SEZ6: variants seen among roughly 807,000 people sequenced by gnomAD.
The protein encoded by SEZ6 is seizure protein 6 homolog.
In SEZ6, 53 loss-of-function variants were observed where a neutral mutation model predicts 101.0. The ratio of observed to expected loss-of-function variants is 0.52; its 90% CI spans 0.42 to 0.66. The LOEUF is 0.66. Ranked by LOEUF, SEZ6 falls within the 30% of genes least tolerant of loss-of-function variation. SEZ6 has a pLI of 0.00. For synonymous variants in SEZ6, 488 were observed against 512.2 expected, an observed-to-expected ratio of 0.95 and a Z score of 0.64; for missense variants, 1,102 against 1,289.4, an observed-to-expected ratio of 0.85 and a Z score of 2.23.
At chr17:29,000,605 C>T (rs1027629054) in intron 1 of SEZ6, among the ~76,000 whole-genome samples, 18 of 152,264 alleles carry the variant, frequency 1.2e-4, no homozygotes, top group African/African-American at 4.3e-4. Context: ...CTTAGGCCTC[C>T]ACCTCTCCAT....
rs1359882891 is a variant in SEZ6, at chr17:28,959,520, T to C, written c.1772-48A>G. On this transcript the variant is annotated intron_variant, in intron 8 of 16. Transcript: ENST00000317338. The surrounding 1 kb of genome is among the most constrained non-coding windows in gnomAD (Gnocchi z 4.4). ...AAGGGTCTTTTCAAGCTTACCATGGTGTTGCTTACCATCTGCCCGCAGGAG... is the reference window on the plus strand; with the variant it reads ...AAGGGTCTTTTCAAGCTTACCATGGCGTTGCTTACCATCTGCCCGCAGGAG... The C allele has an allele frequency of 6.3e-7, 1 of 1,597,442 alleles. No individual in the cohort carries two copies. The highest frequency in any genetic ancestry group is 2.2e-5 in the East Asian group (1 of 44,686).
Position 28,963,972 on chromosome 17 carries a change from G to T in SEZ6, c.1230C>A (p.Pro410=), listed in dbSNP as rs113031217. 238 of 1,611,122 alleles carry T rather than the reference G, an allele frequency of 1.5e-4. 1 individual carries two copies. The African/African-American group carries it at 2.4e-3, about 17-fold the overall frequency. Residue 410 remains proline, a synonymous_variant, in exon 5 of 17, where the codon CCC becomes CCA. Transcript: ENST00000317338. ...ATQPFWDSKE[P]VCIAACGGVI... is the part of the protein sequence containing the mutation. ...CCCCTGGGCACTCACCGATGCAGACGGGCTCCTTTGAATCCCAGAAGGGCT... is the reference window on the plus strand; with the variant it reads ...CCCCTGGGCACTCACCGATGCAGACTGGCTCCTTTGAATCCCAGAAGGGCT...
rs960046849 is a variant in SEZ6 at position 28,981,468 on chromosome 17, C to T, written c.627G>A (p.Gln209=). 3 of 1,575,622 alleles carry T rather than the reference C, an allele frequency of 1.9e-6. No individual in the cohort carries two copies. Among genetic ancestry groups the T allele is most frequent in the Non-Finnish European group, 2.6e-6 (3 of 1,160,072 alleles). ...AAGCTGTGGAGGAGGTGATGGTCCC[C>T]TGGATCCCGATCCCTGCGCCCTGGG... is the stretch of plus-strand genomic sequence containing the variant. ...VVSQGAGIGI[Q]GTITSSTASG... The change falls in exon 2 of 17, where the codon CAG becomes CAA. Residue 209 remains glutamine (Q), a synonymous_variant. Coordinates refer to ENST00000317338, the MANE Select transcript of SEZ6 (RefSeq NM_178860.5).
chr17:28,981,750 G>T lies in SEZ6; in HGVS notation c.345C>A (p.Ser115Arg), dbSNP rs1436305470. 1.2e-6 allele frequency: 2 copies of T among 1,610,014 alleles called. No individual in the cohort carries two copies. Among genetic ancestry groups the T allele is most frequent in the Non-Finnish European group, 8.5e-7 (1 of 1,177,054 alleles). Residue 115 changes from serine to arginine, a missense_variant, in exon 2 of 17, where the codon AGC (serine) becomes AGA (arginine). By Grantham distance (110) the Ser-to-Arg change is moderately radical. This residue lies in a region of SEZ6 where 406 missense variants were observed against 418.6 expected (regional missense o/e 0.97). Transcript: ENST00000317338. ...SPLPRLANQDSRPVFTSPTPA... is the reference protein window; with the variant it reads ...SPLPRLANQDRRPVFTSPTPA... ...GAGTGGGGCTGGTAAAGACAGGGCG[G>T]CTGTCCTGGTTGGCCAGGCGGGGAA...
intron 4 of SEZ6, among the ~76,000 whole-genome samples, chr17:28,965,649 A>G (rs1238080140): frequency 6.6e-6 from 1 of 152,144 alleles, no homozygotes; most frequent in African/African-American, 2.4e-5. Flanking sequence ...GAAAAACAAC[A>G]TCAAACAAAC....
At position 28,959,475 on chromosome 17, in the gene SEZ6, G is replaced by A; in HGVS notation, c.1772-3C>T. On this transcript the variant is annotated splice_region_variant and splice_polypyrimidine_tract_variant and intron_variant, in intron 8 of 16. Transcript: ENST00000317338. The surrounding 1 kb of genome is among the most constrained non-coding windows in gnomAD (Gnocchi z 4.4). ...TGTGATCTCCCCGCTGCACACGGCT[G>A]GAAGGCAGAGGAGGCCCAGAAGGGT... 1 of 1,611,988 alleles carries A rather than the reference G, an allele frequency of 6.2e-7. No individual in the cohort carries two copies. Among genetic ancestry groups the A allele is most frequent in the Non-Finnish European group, 8.5e-7 (1 of 1,179,574 alleles).
intron 3 of SEZ6, among the ~76,000 whole-genome samples, chr17:28,972,132 G>A (rs1240855961): frequency 6.6e-6 from 1 of 152,244 alleles, no homozygotes; most frequent in Non-Finnish European, 1.5e-5. Context: ...CATCTTTTCA[G>A]ATCTTAGGGC....
chr17:28,993,291 C>T (rs2041490800), intron 1 of SEZ6, among the ~76,000 whole-genome samples: 1 of 152,164 alleles, frequency 6.6e-6, no homozygotes, highest in Non-Finnish European at 1.5e-5. Flanking sequence ...TGTCCATCTG[C>T]TAGCCCCAGG....
chr17:28,959,555 A>T lies in SEZ6; in HGVS notation c.1772-83T>A, dbSNP rs1272841063. 1 of 1,564,704 alleles carries T rather than the reference A, an allele frequency of 6.4e-7. No individual in the cohort carries two copies. Among genetic ancestry groups the T allele is most frequent in the Non-Finnish European group, 8.6e-7 (1 of 1,156,696 alleles). Reference sequence around the variant, plus strand: ...CATCTGCCCGCAGGAGTGCCCACAAATTGCTGGGACCCCCCACCTCCTCCT... The same window carrying T: ...CATCTGCCCGCAGGAGTGCCCACAATTTGCTGGGACCCCCCACCTCCTCCT... On this transcript the variant is annotated intron_variant, in intron 8 of 16. Coordinates refer to ENST00000317338, the MANE Select transcript of SEZ6 (RefSeq NM_178860.5). This position sits in a 1 kb window ranked among gnomAD's most constrained non-coding sequence, Gnocchi z 4.4.
chr17:28,988,271 C>G (rs923910556), intron 1 of SEZ6, among the ~76,000 whole-genome samples: 16 of 152,296 alleles, frequency 1.1e-4, no homozygotes, highest in African/African-American at 3.6e-4. Context: ...TCTTGACCTC[C>G]TGGGGGCACT....
intron 1 of SEZ6, 29 bp from the exon 2 acceptor site, chr17:28,982,068 C>T (rs771923581): frequency 5.2e-6 from 8 of 1,538,592 alleles, no homozygotes; most frequent in South Asian, 1.2e-5. Context: ...GTCAGAGGTT[C>T]TCCCCCTGCT....
At chr17:28,987,031 T>G (rs1025849148) in intron 1 of SEZ6, among the ~76,000 whole-genome samples, 2 of 152,040 alleles carry the variant, frequency 1.3e-5, no homozygotes, top group Non-Finnish European at 2.9e-5. Context: ...CAGCACCAAC[T>G]GTCAGCTTCG....
intron 3 of SEZ6, among the ~76,000 whole-genome samples, chr17:28,975,532 C>T (rs1434530681): frequency 2.0e-5 from 3 of 152,224 alleles, no homozygotes. Context: ...GGCACTTATC[C>T]AGAAAACCTT....
At chr17:28,961,007 C>T (rs762246621) in intron 5 of SEZ6, 34 bp from the exon 6 acceptor site, 13 of 1,586,754 alleles carry the variant, frequency 8.2e-6, no homozygotes, top group Admixed American at 3.4e-5. Context: ...AGGCTAGGCC[C>T]CTGCCTGAAC....
chr17:28,958,873 A>T (rs2040926728), intron 10 of SEZ6, among the ~76,000 whole-genome samples, 152 bp downstream of exon 10: 2 of 152,088 alleles, frequency 1.3e-5, no homozygotes, highest in Non-Finnish European at 2.9e-5. Flanking sequence ...CTCAGGGCAG[A>T]TGGAGAACAG....
rs548163525 is a variant in SEZ6 at position 29,001,507 on chromosome 17, A to G, written c.55+4308T>C. ...TGTAGTAGATGCTCCTTAAATAGGT[A>G]CTGGAGAATTACAGGAAGTGTCAGC... On this transcript the variant is annotated intron_variant, in intron 1 of 16. Transcript: ENST00000317338. Among the ~76,000 whole-genome samples, 4 of 152,316 alleles carry G rather than the reference A, an allele frequency of 2.6e-5. No homozygotes were observed. The East Asian group carries it at 7.7e-4, about 29-fold the overall frequency.
intron 1 of SEZ6, among the ~76,000 whole-genome samples, chr17:28,994,364 C>T (rs968124812): frequency 7.9e-5 from 12 of 152,126 alleles, no homozygotes; most frequent in African/African-American, 1.7e-4. Context: ...CAACCTCTGC[C>T]GCCCAGGTTC....
chr17:28,961,556 A>G (rs145803740), intron 5 of SEZ6, among the ~76,000 whole-genome samples: 3 of 152,290 alleles, frequency 2.0e-5, no homozygotes, highest in Non-Finnish European at 4.4e-5. Flanking sequence ...CAAACACCTG[A>G]TGTGCATGCC....
upstream of SEZ6, chr17:29,006,076 T>A (rs970259885): frequency 1.4e-5 from 5 of 348,190 alleles, no homozygotes; most frequent in Non-Finnish European, 2.5e-5. Context: ...CGAGCGGGGC[T>A]GGGGGCGGGG....
Sources: allele counts gnomAD v4.1 joint callset (sites outside exome capture counted in the v4.1 genomes callset), GRCh38; gene constraint gnomAD v4.1.1; regional missense constraint gnomAD v4.1.1; non-coding constraint Gnocchi (gnomAD v3.1); transcripts MANE v1.5; gene names NCBI Gene and HGNC (gene_info 2026-07-23, HGNC 2026-07-21).